Variants in SGCZ observed in about 807,000 individuals in gnomAD.
SGCZ encodes the protein sarcoglycan zeta, also known as zeta-sarcoglycan.
SGCZ carries 40 observed loss-of-function variants against 41.3 expected under a neutral mutation model. The ratio of observed to expected loss-of-function variants is 0.97; its 90% CI spans 0.75 to 1.26. The LOEUF (loss-of-function observed/expected upper bound fraction) is 1.26, where lower values mean the gene tolerates loss of function less well. Ranked by LOEUF, SGCZ falls within the 50% of genes most tolerant of loss-of-function variation. SGCZ has a pLI of 0.00. For missense variants in SGCZ, 552 were observed against 369.8 expected (o/e 1.49, Z -4.04); for synonymous variants, 206 against 137.5 (o/e 1.50, Z -3.49).
rs767979164 is a variant in SGCZ at position 14,432,914 on chromosome 8, C to CAAAAAAAAAAAA, written c.235-108722_235-108711dup. Among the ~76,000 whole-genome samples, 8 of 75,604 alleles carry CAAAAAAAAAAAA rather than the reference C, an allele frequency of 1.1e-4. 1 individual carries two copies. Among genetic ancestry groups the CAAAAAAAAAAAA allele is most frequent in the African/African-American group, 5.0e-4 (8 of 16,024 alleles). The allele number at this position is 75,604 out of a possible 152,430, so 49.6% of individuals were successfully genotyped here. On this transcript the variant is annotated intron_variant, in intron 2 of 7. Transcript: ENST00000382080. ...GGGCAAAAGAGTGAGACTGTGTCTC[C>CAAAAAAAAAAAA]AAAAAAAAAAAAAAAAAAAAAAAAA...
At chr8:14,649,825 G>A (rs532699598) in intron 1 of SGCZ, among the ~76,000 whole-genome samples, 2 of 152,140 alleles carry the variant, frequency 1.3e-5, no homozygotes, top group African/African-American at 2.4e-5. Flanking sequence ...CCCAAGGCAG[G>A]GCAAAGGCAC....
intron 1 of SGCZ, among the ~76,000 whole-genome samples, chr8:14,886,023 AT>A (rs1804788008): frequency 2.6e-5 from 3 of 116,656 alleles, no homozygotes; most frequent in South Asian, 2.6e-4. Context: ...ATATATATAT[AT>A]ATATATATAT....
chr8:14,726,856 A>G (rs1585212726), intron 1 of SGCZ, among the ~76,000 whole-genome samples: 1 of 152,142 alleles, frequency 6.6e-6, no homozygotes, highest in Non-Finnish European at 1.5e-5. Context: ...TGAAAAGAGG[A>G]AAAACTAGTA....
intron 2 of SGCZ, among the ~76,000 whole-genome samples, chr8:14,477,359 A>T (rs1801391320): frequency 1.3e-5 from 2 of 152,138 alleles, no homozygotes. Context: ...TTATGAGCTC[A>T]TTAATGAATG....
Position 14,394,152 on chromosome 8 carries a change from T to TCC in SGCZ, c.235-69949_235-69948insGG, listed in dbSNP as rs1169962725. On this transcript the variant is annotated intron_variant, in intron 2 of 7. Coordinates refer to ENST00000382080, the MANE Select transcript of SGCZ (RefSeq NM_139167.4). Reference sequence around the variant, plus strand: ...CCCTACCGCCCCCCACCTTTTTTTTTTTTTTTTTTTTTTTTTGAGATTTAG... The same window carrying TCC: ...CCCTACCGCCCCCCACCTTTTTTTTTCCTTTTTTTTTTTTTTTTGAGATTTAG... Among the ~76,000 whole-genome samples the TCC allele has an allele frequency of 1.9e-4, 13 of 68,050 alleles. 1 individual carries two copies. Among genetic ancestry groups the TCC allele is most frequent in the African/African-American group, 7.9e-4 (11 of 13,962 alleles). The allele number at this position is 68,050 out of a possible 152,430, so 44.6% of individuals were successfully genotyped here. A position where few individuals can be genotyped will look rare whatever the true frequency, so the allele number is the denominator to read the frequency against.
At chr8:14,920,608 G>T (rs988612363) in intron 1 of SGCZ, among the ~76,000 whole-genome samples, 1 of 152,104 alleles carries the variant, frequency 6.6e-6, no homozygotes. Flanking sequence ...AGATTAAGAA[G>T]ATATCATAGA....
intron 2 of SGCZ, among the ~76,000 whole-genome samples, chr8:14,452,749 A>C (rs1800630974): frequency 6.6e-6 from 1 of 152,104 alleles, no homozygotes; most frequent in African/African-American, 2.4e-5. Flanking sequence ...CAATCAAAAT[A>C]TTCTGTTAAA....
At chr8:14,770,576 T>C (rs186028134) in intron 1 of SGCZ, among the ~76,000 whole-genome samples, 4 of 152,164 alleles carry the variant, frequency 2.6e-5, no homozygotes, top group South Asian at 4.1e-4. Context: ...AAAGTATACA[T>C]ATATGGTGTT....
chr8:14,359,680 T>C (rs753714244), intron 2 of SGCZ, among the ~76,000 whole-genome samples: 10 of 152,118 alleles, frequency 6.6e-5, no homozygotes, highest in Non-Finnish European at 1.3e-4. Context: ...GACCTCACTA[T>C]TGAAGCTGGA....
At chr8:14,561,472 A>T (rs1357716887) in intron 1 of SGCZ, among the ~76,000 whole-genome samples, 2 of 152,082 alleles carry the variant, frequency 1.3e-5, no homozygotes, top group African/African-American at 4.8e-5. Context: ...CTCCCTTTTG[A>T]TGTTAATTCA....
intron 2 of SGCZ, among the ~76,000 whole-genome samples, chr8:14,416,789 T>A (rs1799504840): frequency 6.6e-6 from 1 of 151,902 alleles, no homozygotes; most frequent in African/African-American, 2.4e-5. Context: ...GGACTCAATT[T>A]ATTTTCCTGT....
chr8:14,693,685 G>C (rs1046267538), intron 1 of SGCZ, among the ~76,000 whole-genome samples: 2 of 145,540 alleles, frequency 1.4e-5, no homozygotes. Flanking sequence ...CCGCCTCCCG[G>C]GTATAAGTGA....
At chr8:14,287,455 G>A (rs73666512) in intron 3 of SGCZ, among the ~76,000 whole-genome samples, 3 of 150,786 alleles carry the variant, frequency 2.0e-5, no homozygotes, top group Non-Finnish European at 4.4e-5. Flanking sequence ...AAAAAAAGTG[G>A]CCCCAAGGTT....
At chr8:14,143,022 A>C (rs1431306572) in intron 5 of SGCZ, among the ~76,000 whole-genome samples, 2 of 151,768 alleles carry the variant, frequency 1.3e-5, no homozygotes, top group African/African-American at 4.8e-5. Context: ...AGAATCAACC[A>C]ACATAAGCCC....
intron 1 of SGCZ, among the ~76,000 whole-genome samples, chr8:14,940,676 C>T (rs76029162): frequency 0.02 from 2,102 of 107,706 alleles, 17 homozygotes; most frequent in Middle Eastern, 0.037. Context: ...ATACATAAAA[C>T]CTGGGCACCA....
intron 2 of SGCZ, among the ~76,000 whole-genome samples, chr8:14,410,132 G>A (rs1799319766): frequency 6.6e-6 from 1 of 152,100 alleles, no homozygotes; most frequent in African/African-American, 2.4e-5. Context: ...AACTGCGCAT[G>A]CTAGGGATCT....
At chr8:15,025,851 T>G (rs1435011364) in intron 1 of SGCZ, among the ~76,000 whole-genome samples, 1 of 152,184 alleles carries the variant, frequency 6.6e-6, no homozygotes, top group East Asian at 1.9e-4. Flanking sequence ...AACTGTAATT[T>G]TTATATAAGT....
chr8:14,857,056 A>ACCATCCT (rs1266699303), intron 1 of SGCZ, among the ~76,000 whole-genome samples: 1 of 152,130 alleles, frequency 6.6e-6, no homozygotes, highest in African/African-American at 2.4e-5. Context: ...ATGGTTTAGC[A>ACCATCCT]CCATCCTCTC....
chr8:14,631,087 G>A, intron 1 of SGCZ, among the ~76,000 whole-genome samples: 2 of 151,892 alleles, frequency 1.3e-5, no homozygotes, highest in East Asian at 3.9e-4. Context: ...TGCCCCATTG[G>A]CTTGCTTTCC....
Sources: gnomAD v4.1 joint callset for allele counts (sites outside exome capture counted in the v4.1 genomes callset) on GRCh38, gnomAD v4.1.1 for gene constraint, MANE v1.5 for transcripts, NCBI Gene and HGNC (gene_info 2026-07-23, HGNC 2026-07-21) for gene names.